The following KCNH5 variants were observed in gnomAD, a reference collection of about 807,000 sequenced individuals.
The protein encoded by KCNH5 is potassium voltage-gated channel subfamily H member 5.
KCNH5 carries 46 observed loss-of-function variants against 96.1 expected under a neutral mutation model. That is an observed-to-expected ratio of 0.48 (90% CI 0.38 to 0.61). The LOEUF is 0.61. KCNH5 is among the 20% of genes least tolerant of loss of function. The pLI is 0.00. For missense variants in KCNH5, 907 were observed against 1,225.8 expected, an observed-to-expected ratio of 0.74 and a Z score of 3.88; for synonymous variants, 439 against 449.8, an observed-to-expected ratio of 0.98 and a Z score of 0.30.
At chr14:62,858,479 G>A (rs1471008097) in intron 7 of KCNH5, among the ~76,000 whole-genome samples, 1 of 152,186 alleles carries the variant, frequency 6.6e-6, no homozygotes, top group Non-Finnish European at 1.5e-5. Flanking sequence ...CATCTTGAAA[G>A]TGTGGGACAA....
intron 8 of KCNH5, among the ~76,000 whole-genome samples, chr14:62,817,826 T>TTA (rs888278228): frequency 3.4e-5 from 5 of 145,266 alleles, no homozygotes; most frequent in East Asian, 2.0e-4. Context: ...ATTATATATA[T>TTA]TATATATATA....
chr14:62,854,007 AAAAAAAAAAAACAAAAAAAAC>A (rs1003914025), intron 7 of KCNH5, among the ~76,000 whole-genome samples: 12 of 137,658 alleles, frequency 8.7e-5, no homozygotes, highest in Middle Eastern at 3.7e-3. Flanking sequence ...ACTCTGTCAA[AAAAAAAAAAAACAAAAAAAAC>A]AAAAAAAACA....
At chr14:62,838,149 C>G (rs1303487523) in intron 8 of KCNH5, among the ~76,000 whole-genome samples, 1 of 152,114 alleles carries the variant, frequency 6.6e-6, no homozygotes, top group African/African-American at 2.4e-5. Context: ...AATTTTCAAC[C>G]TTAAAAATCT....
chr14:62,965,245 A>G (rs944858431), intron 6 of KCNH5, among the ~76,000 whole-genome samples: 1 of 152,114 alleles, frequency 6.6e-6, no homozygotes, highest in African/African-American at 2.4e-5. Context: ...CCAATGTGGT[A>G]GTGTTGGAAC....
At chr14:62,732,406 A>T (rs1397321657) in intron 10 of KCNH5, among the ~76,000 whole-genome samples, 1 of 151,862 alleles carries the variant, frequency 6.6e-6, no homozygotes, top group African/African-American at 2.4e-5. Context: ...TTATATCCTT[A>T]TATCATAAAG....
intron 7 of KCNH5, among the ~76,000 whole-genome samples, chr14:62,853,464 T>TATATATATATATATATATC (rs1555360155): frequency 4.9e-5 from 6 of 122,884 alleles, no homozygotes; most frequent in African/African-American, 1.9e-4. Context: ...ATCATATATA[T>TATATATATATATATATATC]ATATATATAT....
At chr14:62,831,995 G>A (rs1425642783) in intron 8 of KCNH5, among the ~76,000 whole-genome samples, 2 of 152,134 alleles carry the variant, frequency 1.3e-5, no homozygotes, top group East Asian at 1.9e-4. Flanking sequence ...TTACAGGCAT[G>A]AGCCACCACA....
intron 8 of KCNH5, among the ~76,000 whole-genome samples, chr14:62,842,851 C>T (rs113931697): frequency 1.1e-4 from 16 of 152,064 alleles, no homozygotes; most frequent in African/African-American, 3.6e-4. Context: ...GATTTTTATA[C>T]TATAATTCTT....
intron 6 of KCNH5, among the ~76,000 whole-genome samples, chr14:62,957,998 T>C (rs1566721797): frequency 6.6e-6 from 1 of 152,198 alleles, no homozygotes; most frequent in Non-Finnish European, 1.5e-5. Context: ...GATAAAAATG[T>C]AAGAAAAGTG....
At chr14:63,020,922 A>C (rs1891414778) in intron 1 of KCNH5, among the ~76,000 whole-genome samples, 1 of 152,194 alleles carries the variant, frequency 6.6e-6, no homozygotes, top group African/African-American at 2.4e-5. Context: ...TGTGGTACCT[A>C]GGGCAGTTAG....
At position 62,700,718 on chromosome 14, in the gene KCNH5, T is replaced by C. The variant is rs577006369; in HGVS notation, c.*6790A>G. The C allele has an allele frequency of 6.6e-6, 1 of 152,206 alleles. No individual in the cohort carries two copies. Among genetic ancestry groups the C allele is most frequent in the Non-Finnish European group, 1.5e-5 (1 of 68,026 alleles). The allele number at this position is 152,206 out of a possible 1,614,324, so 9.4% of individuals were successfully genotyped here. ...GAATCTTTGTTGTGATTTTGCATAG[T>C]TTACTAGCTAGGTATTCTTCCTGTT... On this transcript the variant is annotated 3_prime_UTR_variant, in exon 11 of 11. Coordinates refer to ENST00000322893, the MANE Select transcript of KCNH5 (RefSeq NM_139318.5).
intron 7 of KCNH5, among the ~76,000 whole-genome samples, chr14:62,936,526 T>G (rs1270440530): frequency 6.7e-6 from 1 of 149,548 alleles, no homozygotes; most frequent in Non-Finnish European, 1.5e-5. Context: ...AATACAAAAA[T>G]CAGCCGGGCA....
At chr14:62,983,394 G>T (rs548416586) in intron 5 of KCNH5, among the ~76,000 whole-genome samples, 1 of 151,210 alleles carries the variant, frequency 6.6e-6, no homozygotes, top group African/African-American at 2.4e-5. Context: ...AAAAAAAAGT[G>T]TGTATGTATA....
chr14:62,958,154 A>C (rs1890141116), intron 6 of KCNH5, among the ~76,000 whole-genome samples: 1 of 152,200 alleles, frequency 6.6e-6, no homozygotes, highest in African/African-American at 2.4e-5. Context: ...AGTAAGATTT[A>C]ATATACAATT....
intron 10 of KCNH5, among the ~76,000 whole-genome samples, chr14:62,729,360 C>A (rs910218096): frequency 5.3e-5 from 8 of 152,156 alleles, no homozygotes; most frequent in African/African-American, 1.9e-4. Flanking sequence ...CATAATTATT[C>A]CAGGACTACA....
intron 7 of KCNH5, among the ~76,000 whole-genome samples, chr14:62,932,643 A>T (rs1286387165): frequency 1.3e-5 from 2 of 152,086 alleles, no homozygotes; most frequent in African/African-American, 4.8e-5. Context: ...ACACATACCC[A>T]TTGGGATGAA....
chr14:62,916,974 A>G (rs1363333590), intron 7 of KCNH5, among the ~76,000 whole-genome samples: 1 of 152,234 alleles, frequency 6.6e-6, no homozygotes, highest in African/African-American at 2.4e-5. Flanking sequence ...TCTAGAATTC[A>G]TGTGGGAGCT....
At chr14:62,922,890 A>C (rs564604957) in intron 7 of KCNH5, among the ~76,000 whole-genome samples, 1 of 152,050 alleles carries the variant, frequency 6.6e-6, no homozygotes, top group South Asian at 2.1e-4. Flanking sequence ...GAAAAACAAG[A>C]ATGCCCATTC....
intron 10 of KCNH5, among the ~76,000 whole-genome samples, chr14:62,734,511 T>C (rs79876046): frequency 0.01 from 1,545 of 152,194 alleles, 22 homozygotes; most frequent in African/African-American, 0.035. Flanking sequence ...GCTGTTTGAC[T>C]TTGGCCAAGT....
Sources: allele counts gnomAD v4.1 joint callset (sites outside exome capture counted in the v4.1 genomes callset), GRCh38; gene constraint gnomAD v4.1.1; transcripts MANE v1.5; gene names NCBI Gene and HGNC (gene_info 2026-07-23, HGNC 2026-07-21).